The following USO1 variants were observed in gnomAD, a reference collection of about 807,000 sequenced individuals.
USO1 encodes USO1 vesicle transport factor, also known as general vesicular transport factor p115.
Under a neutral mutation model 124.5 loss-of-function variants are expected in USO1, and 57 were observed. The ratio of observed to expected loss-of-function variants is 0.46; its 90% CI spans 0.37 to 0.57. The LOEUF is 0.57. USO1 is among the 20% of genes least tolerant of loss of function. USO1 has a pLI of 0.00. For missense variants in USO1, 900 were observed against 1,040.6 expected (o/e 0.86, Z 1.86); for synonymous variants, 369 against 362.8 (o/e 1.02, Z -0.19).
At chr4:75,781,763 A>G (rs941816130) in intron 8 of USO1, among the ~76,000 whole-genome samples, 1 of 152,068 alleles carries the variant, frequency 6.6e-6, no homozygotes, top group Non-Finnish European at 1.5e-5. Context: ...GTCTTTTTAA[A>G]AAAAAAATAA....
chr4:75,748,275 A>C (rs1577934289), intron 1 of USO1, among the ~76,000 whole-genome samples: 3 of 134,376 alleles, frequency 2.2e-5, no homozygotes, highest in South Asian at 2.3e-4. Context: ...TGCAACCTCC[A>C]CCTCCCAGGC....
At chr4:75,742,037 A>G (rs1004659034) in intron 1 of USO1, among the ~76,000 whole-genome samples, 6 of 151,906 alleles carry the variant, frequency 3.9e-5, no homozygotes, top group Non-Finnish European at 7.4e-5. Context: ...AGAGCTGTCA[A>G]CTCCTATAAT....
intron 1 of USO1, among the ~76,000 whole-genome samples, chr4:75,734,718 CTTTTTTTTTTTTTTT>C (rs55928639): frequency 2.1e-5 from 1 of 47,450 alleles, no homozygotes; most frequent in African/African-American, 8.5e-5. Flanking sequence ...GGCAGTATGG[CTTTTTTTTTTTTTTT>C]TTTTTTTTTT....
intron 7 of USO1, among the ~76,000 whole-genome samples, chr4:75,774,352 T>C (rs927867610): frequency 3.9e-5 from 6 of 152,236 alleles, no homozygotes; most frequent in African/African-American, 1.4e-4. Flanking sequence ...GATACTTTCA[T>C]GCTCAACTCT....
chr4:75,811,750 T>C (rs1338057835), intron 22 of USO1, among the ~76,000 whole-genome samples: 2 of 152,222 alleles, frequency 1.3e-5, no homozygotes, highest in African/African-American at 4.8e-5. Flanking sequence ...TTCATTTAAT[T>C]GTATGCTTGA....
At chr4:75,805,446 C>T in intron 19 of USO1, 143 bp downstream of exon 19, 1 of 1,226,586 alleles carries the variant, frequency 8.2e-7, no homozygotes, top group Non-Finnish European at 1.1e-6. Flanking sequence ...GTGGCTTACG[C>T]CTGTAATCCT....
At chr4:75,732,408 A>G (rs932230824) in intron 1 of USO1, among the ~76,000 whole-genome samples, 1 of 152,184 alleles carries the variant, frequency 6.6e-6, no homozygotes, top group Non-Finnish European at 1.5e-5. Context: ...CCAGTCCACT[A>G]TTGATGGACA....
At chr4:75,756,841 A>T (rs1465696633) in intron 3 of USO1, among the ~76,000 whole-genome samples, 1 of 152,058 alleles carries the variant, frequency 6.6e-6, no homozygotes. Flanking sequence ...AGAAAATAAT[A>T]TATAAAGAAG....
chr4:75,749,713 C>T (rs115607836), intron 1 of USO1, among the ~76,000 whole-genome samples: 1,646 of 149,640 alleles, frequency 0.011, 34 homozygotes, highest in African/African-American at 0.038. Context: ...ACTAATTGGC[C>T]GAGCTAGAAA....
At chr4:75,799,184 T>G (rs1358603899) in intron 13 of USO1, among the ~76,000 whole-genome samples, 1 of 148,772 alleles carries the variant, frequency 6.7e-6, no homozygotes, top group Non-Finnish European at 1.5e-5. Context: ...ATTTTTTTGT[T>G]TTTTGGTTTT....
At chr4:75,812,663 A>T (rs1306808350) in intron 23 of USO1, among the ~76,000 whole-genome samples, 1 of 152,230 alleles carries the variant, frequency 6.6e-6, no homozygotes, top group African/African-American at 2.4e-5. Context: ...GCATGTCATT[A>T]TCTTTTGCCA....
intron 1 of USO1, among the ~76,000 whole-genome samples, chr4:75,739,891 CG>C (rs1321929082): frequency 6.6e-6 from 1 of 151,998 alleles, no homozygotes; most frequent in Non-Finnish European, 1.5e-5. Flanking sequence ...AAATAGACCC[CG>C]TGTAGTGTTG....
intron 7 of USO1, among the ~76,000 whole-genome samples, chr4:75,771,756 A>G (rs1460812108): frequency 3.3e-5 from 5 of 152,164 alleles, no homozygotes; most frequent in African/African-American, 1.2e-4. Context: ...GATTTATTTT[A>G]TATTTGCATA....
chr4:75,751,795 G>A (rs974230558), intron 1 of USO1, among the ~76,000 whole-genome samples: 1 of 151,442 alleles, frequency 6.6e-6, no homozygotes, highest in African/African-American at 2.4e-5. Context: ...TCGCATTGTC[G>A]CACTCCAGCC....
intron 20 of USO1, among the ~76,000 whole-genome samples, chr4:75,807,370 CTT>C (rs879512005): frequency 4.8e-5 from 7 of 144,472 alleles, no homozygotes; most frequent in South Asian, 2.2e-4. Context: ...GAAATGCATA[CTT>C]TTTTTTTTTT....
At chr4:75,733,591 T>G (rs1191875715) in intron 1 of USO1, among the ~76,000 whole-genome samples, 1 of 152,242 alleles carries the variant, frequency 6.6e-6, no homozygotes, top group Non-Finnish European at 1.5e-5. Flanking sequence ...GGAACATTTT[T>G]CCATATATTT....
intron 9 of USO1, among the ~76,000 whole-genome samples, chr4:75,785,345 A>G (rs558716104): frequency 6.6e-6 from 1 of 152,206 alleles, no homozygotes; most frequent in East Asian, 1.9e-4. Context: ...TTTTAGTTAT[A>G]AAATATTTTA....
At chr4:75,779,823 T>C (rs769012297) in intron 8 of USO1, among the ~76,000 whole-genome samples, 3 of 152,246 alleles carry the variant, frequency 2.0e-5, no homozygotes, top group Non-Finnish European at 4.4e-5. Flanking sequence ...TGAATTATGC[T>C]AAATGTTCAG....
intron 16 of USO1, 55 bp downstream of exon 16, chr4:75,800,854 T>C (rs1393345592): frequency 1.4e-5 from 21 of 1,552,442 alleles, no homozygotes; most frequent in Admixed American, 7.8e-5. Context: ...ATTTATATTG[T>C]ACATGTATAT....
Sources: allele counts gnomAD v4.1 joint callset (sites outside exome capture counted in the v4.1 genomes callset), GRCh38; gene constraint gnomAD v4.1.1; transcripts MANE v1.5; gene names NCBI Gene and HGNC (gene_info 2026-07-23, HGNC 2026-07-21).